Variants in PIP4K2A observed in about 807,000 individuals in gnomAD.
The protein encoded by PIP4K2A is phosphatidylinositol 5-phosphate 4-kinase type-2 alpha.
PIP4K2A carries 14 observed loss-of-function variants against 42.9 expected under a neutral mutation model. The observed-to-expected ratio is 0.33, with a 90% CI of 0.22 to 0.51. The LOEUF (loss-of-function observed/expected upper bound fraction) is 0.51, where lower values mean the gene tolerates loss of function less well. Ranked by LOEUF, PIP4K2A falls within the 20% of genes least tolerant of loss-of-function variation. The pLI is 0.97. For missense variants in PIP4K2A, 434 were observed against 519.8 expected, an observed-to-expected ratio of 0.83 and a Z score of 1.61; for synonymous variants, 192 against 192.2, an observed-to-expected ratio of 1.00 and a Z score of 0.01.
chr10:22,642,552 GATC>G lies in PIP4K2A; in HGVS notation c.145-32838_145-32836del, dbSNP rs1282447546. Among the ~76,000 whole-genome samples, 8 of 132,412 alleles carry G rather than the reference GATC, an allele frequency of 6.0e-5. No individual in the cohort carries two copies. The South Asian group carries it at 7.3e-4, about 12-fold the overall frequency. 86.9% of individuals were successfully genotyped at this position (132,412 alleles called of 152,430 possible). A position where few individuals can be genotyped will look rare whatever the true frequency, so the allele number is the denominator to read the frequency against. On this transcript the variant is annotated intron_variant, in intron 1 of 9. Transcript: ENST00000376573. ...ATCTATAACAGTGTATTTATAAACAGATCATGTGTGTCTGTATGTATATTTATA... is the reference window on the plus strand; with the variant it reads ...ATCTATAACAGTGTATTTATAAACAGATGTGTGTCTGTATGTATATTTATA...
chr10:22,576,995 T>C (rs966615766), intron 4 of PIP4K2A, among the ~76,000 whole-genome samples: 1 of 151,320 alleles, frequency 6.6e-6, no homozygotes, highest in African/African-American at 2.4e-5. Flanking sequence ...GGAGAATCGT[T>C]TGAATTTGGG....
At chr10:22,579,043 C>T (rs7075433) in intron 4 of PIP4K2A, among the ~76,000 whole-genome samples, 134,972 of 152,126 alleles carry the variant, frequency 0.89, 60,018 homozygotes, top group East Asian at 0.97. Flanking sequence ...ACGATGGCCA[C>T]GACAAATGAA....
At chr10:22,554,908 T>C (rs934550515) in intron 6 of PIP4K2A, among the ~76,000 whole-genome samples, 2 of 152,118 alleles carry the variant, frequency 1.3e-5, no homozygotes, top group African/African-American at 4.8e-5. Context: ...CGTGAGTAAA[T>C]ACAGCCCAAC....
chr10:22,591,917 G>C (rs1837522610), intron 3 of PIP4K2A, 136 bp from the exon 4 acceptor site: 1 of 705,762 alleles, frequency 1.4e-6, no homozygotes, highest in African/African-American at 1.8e-5. Flanking sequence ...TTGATAAGTA[G>C]GATGACAACA....
intron 1 of PIP4K2A, among the ~76,000 whole-genome samples, chr10:22,619,647 G>T (rs1455564926): frequency 6.6e-6 from 1 of 151,980 alleles, no homozygotes; most frequent in Non-Finnish European, 1.5e-5. Context: ...ATGTTAGCCA[G>T]GCTGGTCTCG....
intron 1 of PIP4K2A, among the ~76,000 whole-genome samples, chr10:22,649,821 G>C (rs1053590411): frequency 2.0e-5 from 3 of 152,112 alleles, no homozygotes. Flanking sequence ...CTGCCCCCAG[G>C]AAAAATACTT....
chr10:22,699,683 C>A (rs1833674689), intron 1 of PIP4K2A, among the ~76,000 whole-genome samples: 1 of 152,228 alleles, frequency 6.6e-6, no homozygotes, highest in South Asian at 2.1e-4. Flanking sequence ...AACAAAAAAA[C>A]CAACGATTAC....
chr10:22,683,608 A>G (rs1179265364), intron 1 of PIP4K2A, among the ~76,000 whole-genome samples: 3 of 152,108 alleles, frequency 2.0e-5, no homozygotes, highest in Non-Finnish European at 1.5e-5. Flanking sequence ...TTCTTCTTCC[A>G]TTAACTTTCC....
intron 9 of PIP4K2A, among the ~76,000 whole-genome samples, chr10:22,538,067 T>C (rs542098338): frequency 6.6e-6 from 1 of 152,242 alleles, no homozygotes; most frequent in African/African-American, 2.4e-5. Context: ...CTGGCCAGTT[T>C]CCTGAGCTGC....
At chr10:22,683,100 A>C (rs1351104861) in intron 1 of PIP4K2A, among the ~76,000 whole-genome samples, 1 of 152,140 alleles carries the variant, frequency 6.6e-6, no homozygotes, top group Non-Finnish European at 1.5e-5. Flanking sequence ...AACAGCTGAC[A>C]CGACAGTACA....
chr10:22,569,655 CTGTGTGTG>C (rs145635674), intron 5 of PIP4K2A, among the ~76,000 whole-genome samples: 1 of 151,172 alleles, frequency 6.6e-6, no homozygotes, highest in Non-Finnish European at 1.5e-5. Flanking sequence ...GTGTGTGTGT[CTGTGTGTG>C]TGTGTGTCTG....
intron 7 of PIP4K2A, among the ~76,000 whole-genome samples, chr10:22,548,566 G>T (rs1836312445): frequency 6.6e-6 from 1 of 152,146 alleles, no homozygotes; most frequent in South Asian, 2.1e-4. Flanking sequence ...AAATCCAAGA[G>T]TATGTTTACT....
intron 3 of PIP4K2A, among the ~76,000 whole-genome samples, chr10:22,602,304 G>T (rs1837801177): frequency 6.6e-6 from 1 of 151,352 alleles, no homozygotes; most frequent in Non-Finnish European, 1.5e-5. Flanking sequence ...GAAGTGGCAG[G>T]ATCGATTGAG....
At chr10:22,581,134 C>T (rs138260142) in intron 4 of PIP4K2A, among the ~76,000 whole-genome samples, 1,112 of 60,596 alleles carry the variant, frequency 0.018, 8 homozygotes, top group Non-Finnish European at 0.025. Flanking sequence ...CTTTCAGCGG[C>T]TCCTTGAGTA....
chr10:22,573,043 T>A (rs1377843539), intron 5 of PIP4K2A, among the ~76,000 whole-genome samples: 1 of 152,246 alleles, frequency 6.6e-6, no homozygotes, highest in Non-Finnish European at 1.5e-5. Context: ...GTTTGGTTTG[T>A]TCATCCCATC....
At chr10:22,701,612 C>T (rs1833717257) in intron 1 of PIP4K2A, among the ~76,000 whole-genome samples, 1 of 152,210 alleles carries the variant, frequency 6.6e-6, no homozygotes, top group South Asian at 2.1e-4. Context: ...CACTGTCTCA[C>T]TTACTGTTGG....
intron 3 of PIP4K2A, among the ~76,000 whole-genome samples, chr10:22,602,174 C>T (rs891468896): frequency 6.6e-6 from 1 of 152,086 alleles, no homozygotes; most frequent in African/African-American, 2.4e-5. Flanking sequence ...GGGTGGATCG[C>T]TTGAGCCCAG....
intron 4 of PIP4K2A, among the ~76,000 whole-genome samples, chr10:22,576,720 C>A (rs1300000511): frequency 6.6e-6 from 1 of 152,174 alleles, no homozygotes; most frequent in African/African-American, 2.4e-5. Flanking sequence ...GAAGTGTTAT[C>A]TATCTTTTGA....
rs370479745 is a variant in PIP4K2A, at chr10:22,688,637, G to A, written c.144+25546C>T. Among the ~76,000 whole-genome samples the A allele has an allele frequency of 3.9e-5, 6 of 152,046 alleles. No homozygotes were observed. In the East Asian group the frequency reaches 1.2e-3, roughly 29 times the overall value. On this transcript the variant is annotated intron_variant, in intron 1 of 9. Transcript: ENST00000376573. ...CTGGTTAATTTTTTTATTTTTCATAGAGATGGGGTCCTGCTACGTTGCCTA... is the reference window on the plus strand; with the variant it reads ...CTGGTTAATTTTTTTATTTTTCATAAAGATGGGGTCCTGCTACGTTGCCTA...
Sources: allele counts gnomAD v4.1 joint callset (sites outside exome capture counted in the v4.1 genomes callset), GRCh38; gene constraint gnomAD v4.1.1; transcripts MANE v1.5; gene names NCBI Gene and HGNC (gene_info 2026-07-23, HGNC 2026-07-21).